Variants in S100A8 observed in about 807,000 individuals in gnomAD.
S100A8 encodes the protein S100 calcium binding protein A8.
Under a neutral mutation model 4.2 loss-of-function variants are expected in S100A8, and 1 was observed. The ratio of observed to expected loss-of-function variants is 0.24; its 90% CI spans 0.08 to 1.12. The LOEUF is 1.12. Among genes scored for constraint, S100A8 ranks in the 50% most tolerant of loss-of-function variants. S100A8 has a pLI of 0.53. For synonymous variants in S100A8, 41 were observed against 44.7 expected (o/e 0.92, Z 0.33); for missense variants, 96 against 111.8 (o/e 0.86, Z 0.64).
chr1:153,412,687 A>G, the S100A8 span, among the ~76,000 whole-genome samples: 1 of 152,236 alleles, frequency 6.6e-6, no homozygotes, highest in Non-Finnish European at 1.5e-5. Flanking sequence ...ATGCACACGT[A>G]TGTTTATTGC....
the S100A8 span, chr1:153,419,163 T>C: frequency 6.2e-7 from 1 of 1,614,134 alleles, no homozygotes; most frequent in African/African-American, 1.3e-5. Flanking sequence ...GGGCATACAT[T>C]ACCTCGCCAC....
At chr1:153,418,124 C>G in the S100A8 span, 3 of 1,614,062 alleles carry the variant, frequency 1.9e-6, no homozygotes, top group South Asian at 1.1e-5. Flanking sequence ...TAGGCATGAT[C>G]GACATGTTTC....
At chr1:153,421,447 A>G in the S100A8 span, 1 of 152,370 alleles carries the variant, frequency 6.6e-6, no homozygotes, top group East Asian at 1.9e-4. Flanking sequence ...ACATAGTAGT[A>G]CTGGATTCCA....
At chr1:153,413,299 G>A in the S100A8 span, among the ~76,000 whole-genome samples, 18 of 152,148 alleles carry the variant, frequency 1.2e-4, no homozygotes, top group African/African-American at 4.3e-4. Context: ...CAAATATTTT[G>A]TATCAGGAAT....
the S100A8 span, among the ~76,000 whole-genome samples, chr1:153,413,076 A>G: frequency 6.6e-6 from 1 of 152,216 alleles, no homozygotes; most frequent in Admixed American, 6.5e-5. Context: ...TGGCACATGT[A>G]TACATATGTA....
At chr1:153,400,797 CAG>C in the S100A8 span, among the ~76,000 whole-genome samples, 1 of 152,188 alleles carries the variant, frequency 6.6e-6, no homozygotes, top group African/African-American at 2.4e-5. Context: ...ATTAATTAAA[CAG>C]ATATTTTAAA....
the S100A8 span, among the ~76,000 whole-genome samples, chr1:153,402,387 G>A: frequency 6.6e-6 from 1 of 152,242 alleles, no homozygotes; most frequent in East Asian, 1.9e-4. Flanking sequence ...CCTTGTCCCC[G>A]AATAACAGGA....
chr1:153,414,839 G>T, the S100A8 span, among the ~76,000 whole-genome samples: 25 of 152,294 alleles, frequency 1.6e-4, no homozygotes, highest in African/African-American at 5.8e-4. Flanking sequence ...TTGCACAGTG[G>T]TGAAGTCCGG....
chr1:153,416,779 G>T, the S100A8 span, among the ~76,000 whole-genome samples: 1 of 152,220 alleles, frequency 6.6e-6, no homozygotes, highest in Non-Finnish European at 1.5e-5. Flanking sequence ...GCTCCTTTGG[G>T]ATCTCCTGAG....
At chr1:153,402,626 A>G in the S100A8 span, among the ~76,000 whole-genome samples, 3 of 152,278 alleles carry the variant, frequency 2.0e-5, no homozygotes, top group Admixed American at 6.5e-5. Context: ...GAAGCCACTA[A>G]AAGTTTTTAG....
chr1:153,393,397 T>C (rs886139103), upstream of S100A8, among the ~76,000 whole-genome samples: 30 of 152,378 alleles, frequency 2.0e-4, 1 homozygote, highest in Middle Eastern at 0.027. Context: ...AAATCACATT[T>C]CTTTTCACAA....
the S100A8 span, among the ~76,000 whole-genome samples, chr1:153,397,832 C>G: frequency 6.6e-6 from 1 of 152,284 alleles, no homozygotes; most frequent in Non-Finnish European, 1.5e-5. Context: ...CAGCTTCCCT[C>G]ACCTCGGCCC....
chr1:153,417,750 G>T, the S100A8 span, among the ~76,000 whole-genome samples: 209 of 152,266 alleles, frequency 1.4e-3, 1 homozygote, highest in African/African-American at 3.2e-3. Context: ...GAGGCTGGGG[G>T]GTCCCAGCTT....
the S100A8 span, among the ~76,000 whole-genome samples, chr1:153,406,409 C>T: frequency 3.9e-5 from 6 of 152,004 alleles, no homozygotes; most frequent in Non-Finnish European, 1.5e-5. Context: ...GACCTGGGGG[C>T]TTCCGGGCTC....
At chr1:153,390,953 TCTC>T (rs1272447996) in intron 1 of S100A8, 85 bp downstream of exon 1, 1 of 928,274 alleles carries the variant, frequency 1.1e-6, no homozygotes, top group African/African-American at 1.8e-5. Flanking sequence ...GAGCTTTCTC[TCTC>T]CTCTCTCAGG....
At chr1:153,397,329 G>A in the S100A8 span, among the ~76,000 whole-genome samples, 49 of 152,298 alleles carry the variant, frequency 3.2e-4, no homozygotes, top group African/African-American at 1.2e-3. Context: ...GCAATTCCCA[G>A]GCAGATGGTC....
At chr1:153,405,682 C>T in the S100A8 span, among the ~76,000 whole-genome samples, 1 of 152,256 alleles carries the variant, frequency 6.6e-6, no homozygotes, top group African/African-American at 2.4e-5. Flanking sequence ...AGCCTGTAAG[C>T]GGCAGGGGGC....
the S100A8 span, chr1:153,419,273 C>A: frequency 6.2e-7 from 1 of 1,614,154 alleles, no homozygotes; most frequent in Non-Finnish European, 8.5e-7. Flanking sequence ...ACAAGCAGAG[C>A]CATGGAGCGG....
At chr1:153,392,351 G>A (rs1662119651), upstream of S100A8, among the ~76,000 whole-genome samples, 2 of 152,196 alleles carry the variant, frequency 1.3e-5, no homozygotes, top group Admixed American at 1.3e-4. Context: ...GTTGGTGAGG[G>A]CATAGAGAAT....
Sources: gnomAD v4.1 joint callset for allele counts (sites outside exome capture counted in the v4.1 genomes callset) on GRCh38, gnomAD v4.1.1 for gene constraint, MANE v1.5 for transcripts, NCBI Gene and HGNC (gene_info 2026-07-23, HGNC 2026-07-21) for gene names.